SOCS5: variants seen among roughly 807,000 people sequenced by gnomAD.
SOCS5 encodes the protein suppressor of cytokine signaling 5, also known as CIS-6.
A neutral mutation model predicts 42.8 loss-of-function variants in SOCS5; 32 were observed. The observed-to-expected ratio is 0.75, with a 90% CI of 0.56 to 1.01. The LOEUF (loss-of-function observed/expected upper bound fraction) is 1.01, where lower values mean the gene tolerates loss of function less well. SOCS5 is among the 50% of genes least tolerant of loss of function. The pLI is 0.00. For synonymous variants in SOCS5, 283 were observed against 229.6 expected, an observed-to-expected ratio of 1.23 and a Z score of -2.10; for missense variants, 627 against 653.0, an observed-to-expected ratio of 0.96 and a Z score of 0.43.
At chr2:46,728,412 T>C (rs1471796652) in intron 1 of SOCS5, among the ~76,000 whole-genome samples, 1 of 152,232 alleles carries the variant, frequency 6.6e-6, no homozygotes, top group East Asian at 1.9e-4. Flanking sequence ...CACGTAGCTA[T>C]CATTTGAGTG....
At chr2:46,710,757 A>G (rs1672602942) in intron 1 of SOCS5, among the ~76,000 whole-genome samples, 1 of 152,208 alleles carries the variant, frequency 6.6e-6, no homozygotes, top group African/African-American at 2.4e-5. Context: ...TAAGTTCAAG[A>G]TTAGTTTTGA....
rs1673794535 is a variant in SOCS5 at position 46,758,976 on chromosome 2, T to C, written c.446T>C (p.Leu149Pro). ...AAGTTTGGTAGAACTCGAAGTGGAC[T>C]TCAAAGGAGAGAGAGGCGCTACGGC... ...DKKFGRTRSG[L>P]QRRERRYGVS... is the part of the protein sequence containing the mutation. The change falls in exon 2 of 2, where the codon CTT becomes CCT. Residue 149 changes from leucine (L) to proline (P), a missense_variant. Transcript: ENST00000394861. The C allele has an allele frequency of 6.2e-7, 1 of 1,613,868 alleles. No homozygotes were observed. The highest frequency in any genetic ancestry group is 1.3e-5 in the African/African-American group (1 of 74,926).
At chr2:46,731,577 A>G (rs773352959) in intron 1 of SOCS5, among the ~76,000 whole-genome samples, 3 of 152,264 alleles carry the variant, frequency 2.0e-5, no homozygotes, top group Non-Finnish European at 4.4e-5. Flanking sequence ...TGACACAGAT[A>G]TGTACAAAGG....
At chr2:46,701,174 C>T (rs1451690353) in intron 1 of SOCS5, among the ~76,000 whole-genome samples, 1 of 152,182 alleles carries the variant, frequency 6.6e-6, no homozygotes, top group African/African-American at 2.4e-5. Flanking sequence ...ATTATAATAG[C>T]TTCTACATTA....
intron 1 of SOCS5, among the ~76,000 whole-genome samples, chr2:46,751,790 C>T (rs1358923557): frequency 6.6e-6 from 1 of 151,880 alleles, no homozygotes; most frequent in East Asian, 1.9e-4. Flanking sequence ...TGTAGTACAT[C>T]AGGGGTTGGC....
intron 1 of SOCS5, among the ~76,000 whole-genome samples, chr2:46,719,416 G>A (rs72802435): frequency 0.047 from 7,137 of 152,226 alleles, 248 homozygotes; most frequent in Non-Finnish European, 0.078. Context: ...CTATCAAACA[G>A]TTCTTTATGC....
In SOCS5 at chr2:46,728,429, A is replaced by G. The variant is rs555090617; in HGVS notation, c.-13+28980A>G. On this transcript the variant is annotated intron_variant, in intron 1 of 1. Transcript: ENST00000394861. ...CGTAGCTATCATTTGAGTGCTTACTATGTATTGGGCACTTATTACATATAT... is the reference window on the plus strand; with the variant it reads ...CGTAGCTATCATTTGAGTGCTTACTGTGTATTGGGCACTTATTACATATAT... Among the ~76,000 whole-genome samples the G allele has an allele frequency of 3.3e-5, 5 of 152,318 alleles. No individual in the cohort carries two copies. In the East Asian group the frequency reaches 5.8e-4, roughly 18 times the overall value.
At chr2:46,726,698 A>T (rs1672999577) in intron 1 of SOCS5, among the ~76,000 whole-genome samples, 1 of 151,674 alleles carries the variant, frequency 6.6e-6, no homozygotes, top group Non-Finnish European at 1.5e-5. Context: ...TATTAAGCCC[A>T]TCCAGTGATT....
rs190171457 is a variant in SOCS5, at chr2:46,761,020, A to G, written c.*879A>G. On this transcript the variant is annotated 3_prime_UTR_variant, in exon 2 of 2. Transcript: ENST00000394861. Reference sequence around the variant, plus strand: ...CGCCCAAACAAGTCAGATAATAGTAACTACAATGGTTGCTGATGTTGAGAT... The same window carrying G: ...CGCCCAAACAAGTCAGATAATAGTAGCTACAATGGTTGCTGATGTTGAGAT... 1 of 167,208 alleles carries G rather than the reference A, an allele frequency of 6.0e-6. No homozygotes were observed. The highest frequency in any genetic ancestry group is 1.9e-4 in the East Asian group (1 of 5,196). The allele number at this position is 167,208 out of a possible 1,614,324, so 10.4% of individuals were successfully genotyped here. A position where few individuals can be genotyped will look rare whatever the true frequency, so the allele number is the denominator to read the frequency against.
chr2:46,753,087 A>T (rs1558412905), intron 1 of SOCS5, among the ~76,000 whole-genome samples: 1 of 152,086 alleles, frequency 6.6e-6, no homozygotes, highest in Non-Finnish European at 1.5e-5. Flanking sequence ...CTTCATCTTG[A>T]CACACTTCCC....
intron 1 of SOCS5, among the ~76,000 whole-genome samples, chr2:46,710,529 C>T (rs1354864955): frequency 6.6e-6 from 1 of 151,694 alleles, no homozygotes; most frequent in African/African-American, 2.4e-5. Flanking sequence ...TTGCATACAC[C>T]AAATATCTTT....
At chr2:46,725,583 T>G (rs1672973119) in intron 1 of SOCS5, among the ~76,000 whole-genome samples, 1 of 152,228 alleles carries the variant, frequency 6.6e-6, no homozygotes, top group South Asian at 2.1e-4. Flanking sequence ...TGTTGTATTG[T>G]CTTTTATATT....
chr2:46,712,032 A>G (rs1290302177), intron 1 of SOCS5, among the ~76,000 whole-genome samples: 3 of 152,160 alleles, frequency 2.0e-5, no homozygotes, highest in Non-Finnish European at 4.4e-5. Context: ...CTTATTTTTC[A>G]AGATTGTTTA....
intron 1 of SOCS5, among the ~76,000 whole-genome samples, chr2:46,724,808 C>T (rs1291150669): frequency 2.0e-5 from 3 of 151,880 alleles, no homozygotes; most frequent in Non-Finnish European, 2.9e-5. Context: ...GAACATTTTG[C>T]ATGTACTTGA....
In SOCS5 at chr2:46,737,471, A is replaced by G. The variant is rs867180359; in HGVS notation, c.-12-21048A>G. Among the ~76,000 whole-genome samples the G allele has an allele frequency of 3.9e-5, 6 of 152,204 alleles. No individual in the cohort carries two copies. In the East Asian group the frequency reaches 5.8e-4, roughly 15 times the overall value. Reference sequence around the variant, plus strand: ...GGGTGACTTTTATTATCAGATAGCAATCTGATAACTGATTATTATTAGTTT... The same window carrying G: ...GGGTGACTTTTATTATCAGATAGCAGTCTGATAACTGATTATTATTAGTTT... On this transcript the variant is annotated intron_variant, in intron 1 of 1. Coordinates refer to ENST00000394861, the MANE Select transcript of SOCS5 (RefSeq NM_144949.3).
chr2:46,700,413 T>C (rs537231289), intron 1 of SOCS5, among the ~76,000 whole-genome samples: 1 of 152,232 alleles, frequency 6.6e-6, no homozygotes, highest in Non-Finnish European at 1.5e-5. Flanking sequence ...CTATCCATAG[T>C]GGTGGCTTAC....
intron 1 of SOCS5, among the ~76,000 whole-genome samples, chr2:46,725,256 A>G (rs1316354082): frequency 6.6e-6 from 1 of 151,958 alleles, no homozygotes; most frequent in African/African-American, 2.4e-5. Flanking sequence ...ATCTCATCAT[A>G]TTTGAAATAA....
intron 1 of SOCS5, among the ~76,000 whole-genome samples, chr2:46,717,902 C>T (rs1672785558): frequency 6.6e-6 from 1 of 152,170 alleles, no homozygotes; most frequent in Non-Finnish European, 1.5e-5. Flanking sequence ...GTTATTCTTT[C>T]ACTGGTCTGA....
At chr2:46,719,463 T>TC (rs1672830502) in intron 1 of SOCS5, among the ~76,000 whole-genome samples, 3 of 152,344 alleles carry the variant, frequency 2.0e-5, no homozygotes, top group African/African-American at 7.2e-5. Flanking sequence ...TTTCCTTTTT[T>TC]CTTTTTTTCT....
Sources: allele counts gnomAD v4.1 joint callset (sites outside exome capture counted in the v4.1 genomes callset), GRCh38; gene constraint gnomAD v4.1.1; transcripts MANE v1.5; gene names NCBI Gene and HGNC (gene_info 2026-07-23, HGNC 2026-07-21).